PREX1: variants seen among roughly 807,000 people sequenced by gnomAD.
PREX1 encodes the protein phosphatidylinositol-3,4,5-trisphosphate dependent Rac exchange factor 1.
A neutral mutation model predicts 198.3 loss-of-function variants in PREX1; 41 were observed. That is an observed-to-expected ratio of 0.21 (90% confidence interval 0.16 to 0.27). PREX1 has a LOEUF of 0.27. PREX1 is among the 10% of genes least tolerant of loss of function. PREX1 has a pLI of 1.00. For missense variants in PREX1, 1,620 were observed against 2,200.7 expected, an observed-to-expected ratio of 0.74 and a Z score of 5.28; for synonymous variants, 843 against 887.2, an observed-to-expected ratio of 0.95 and a Z score of 0.89.
intron 1 of PREX1, among the ~76,000 whole-genome samples, chr20:48,763,047 G>T (rs895987982): frequency 2.0e-5 from 3 of 152,226 alleles, no homozygotes; most frequent in Non-Finnish European, 4.4e-5. Context: ...CCTAAAATTA[G>T]ATGGTGGTAC....
chr20:48,634,987 C>T (rs2089350956), intron 32 of PREX1, among the ~76,000 whole-genome samples: 1 of 152,204 alleles, frequency 6.6e-6, no homozygotes, highest in African/African-American at 2.4e-5. Context: ...CCATCTCTGC[C>T]TTAATTCACT....
At chr20:48,773,679 G>A (rs556891306) in intron 1 of PREX1, among the ~76,000 whole-genome samples, 3 of 152,320 alleles carry the variant, frequency 2.0e-5, no homozygotes, top group African/African-American at 7.2e-5. Context: ...GAGAGAGGGC[G>A]AGGTGAGAGC....
rs2089818528 is a variant in PREX1, at chr20:48,691,380, T to C, written c.1037-284A>G. On this transcript the variant is annotated intron_variant, in intron 8 of 39. Coordinates refer to ENST00000371941, the MANE Select transcript of PREX1 (RefSeq NM_020820.4). This position sits in a 1 kb window ranked among gnomAD's most constrained non-coding sequence, Gnocchi z 5.0. ...CAGCAGTGACTCATGGGGAGACACT[T>C]GCTTGGAGCCCCAAAATGCTTCCTG... 6.6e-6 allele frequency among the ~76,000 whole-genome samples: 1 copy of C among 152,174 alleles called. No homozygotes were observed.
intron 1 of PREX1, among the ~76,000 whole-genome samples, chr20:48,780,890 C>T (rs1037929901): frequency 2.0e-5 from 3 of 152,170 alleles, no homozygotes; most frequent in African/African-American, 7.2e-5. Flanking sequence ...CTGGCTTTCA[C>T]CATCTTAATT....
Position 48,684,268 on chromosome 20 carries a change from T to C in PREX1, c.1335-2933A>G, listed in dbSNP as rs1601074596. 1.3e-5 allele frequency among the ~76,000 whole-genome samples: 2 copies of C among 152,272 alleles called. No individual in the cohort carries two copies. Among genetic ancestry groups the C allele is most frequent in the East Asian group, 1.9e-4 (1 of 5,166 alleles). On this transcript the variant is annotated intron_variant, in intron 10 of 39. Transcript: ENST00000371941. The surrounding 1 kb of genome is among the most constrained non-coding windows in gnomAD (Gnocchi z 4.2). ...GAGCTCAGGCCCAAGGTACCACTTA[T>C]GACCCAACACAAGAATCCCTTGTTC...
At chr20:48,655,658 A>C (rs900989328) in intron 18 of PREX1, among the ~76,000 whole-genome samples, 1 of 152,114 alleles carries the variant, frequency 6.6e-6, no homozygotes, top group African/African-American at 2.4e-5. Context: ...CCACACCTCC[A>C]TCATTCTCCT....
chr20:48,756,442 T>TA (rs1035414077), intron 1 of PREX1, among the ~76,000 whole-genome samples: 1 of 151,380 alleles, frequency 6.6e-6, no homozygotes, highest in African/African-American at 2.4e-5. Context: ...GTCACAGACA[T>TA]ACTCTGAGAG....
At chr20:48,860,024 CA>C in the PREX1 span, among the ~76,000 whole-genome samples, 3 of 151,270 alleles carry the variant, frequency 2.0e-5, no homozygotes, top group East Asian at 3.9e-4. Flanking sequence ...TCTCAAAAAA[CA>C]AAAAAAAGAA....
chr20:48,816,052 A>C (rs1209775788), intron 1 of PREX1, among the ~76,000 whole-genome samples: 1 of 148,562 alleles, frequency 6.7e-6, no homozygotes, highest in Non-Finnish European at 1.5e-5. Context: ...AAAAACAGAG[A>C]GATGCTGGGG....
At chr20:48,713,094 T>C (rs529455777) in intron 5 of PREX1, among the ~76,000 whole-genome samples, 5 of 150,522 alleles carry the variant, frequency 3.3e-5, no homozygotes, top group South Asian at 4.2e-4. Context: ...TGAGCCAAGA[T>C]TGCGCCACTG....
At chr20:48,663,237 T>G (rs913805743) in intron 15 of PREX1, among the ~76,000 whole-genome samples, 3 of 152,176 alleles carry the variant, frequency 2.0e-5, no homozygotes, top group African/African-American at 7.2e-5. Context: ...TATGGGCCTA[T>G]TGGGAGTCAG....
chr20:48,658,889 C>A (rs546687611), intron 16 of PREX1, among the ~76,000 whole-genome samples: 1 of 151,904 alleles, frequency 6.6e-6, no homozygotes, highest in African/African-American at 2.4e-5. Flanking sequence ...AGACACAGCA[C>A]GTACAAAGGT....
intron 1 of PREX1, among the ~76,000 whole-genome samples, chr20:48,808,848 C>G (rs894634117): frequency 3.3e-5 from 5 of 152,186 alleles, no homozygotes; most frequent in African/African-American, 7.2e-5. Flanking sequence ...GTTTCCCATG[C>G]TTGGAATGCT....
rs778356892 is a variant in PREX1 at position 48,690,971 on chromosome 20, T to C, written c.1162A>G (p.Ile388Val). 2.5e-6 allele frequency: 4 copies of C among 1,614,046 alleles called. No homozygotes were observed. In the South Asian group the frequency reaches 4.4e-5, roughly 18 times the overall value. Reference sequence around the variant, plus strand: ...CTCTCGCGCTGCTCCCGCTCGCGGATGATGGCATCCAGCCACTTCTGCTTC... The same window carrying C: ...CTCTCGCGCTGCTCCCGCTCGCGGACGATGGCATCCAGCCACTTCTGCTTC... ...EEKQKWLDAI[I>V]REREQRESLK... Residue 388 changes from isoleucine to valine, a missense_variant, in exon 9 of 40, where the codon ATC becomes GTC. Physicochemically the swap from Ile to Val is conservative, Grantham distance 29. Coordinates refer to ENST00000371941, the MANE Select transcript of PREX1 (RefSeq NM_020820.4).
intron 1 of PREX1, among the ~76,000 whole-genome samples, chr20:48,774,198 C>T (rs2090250543): frequency 6.6e-6 from 1 of 152,216 alleles, no homozygotes; most frequent in Non-Finnish European, 1.5e-5. Flanking sequence ...ACAGACCGTC[C>T]GTCAGCAAAT....
At chr20:48,816,033 A>G (rs1345325513) in intron 1 of PREX1, among the ~76,000 whole-genome samples, 1 of 151,008 alleles carries the variant, frequency 6.6e-6, no homozygotes, top group African/African-American at 2.4e-5. Flanking sequence ...AAAAAGGAAA[A>G]AAAAAAAAAA....
At chr20:48,671,133 TC>T (rs2089672330) in intron 14 of PREX1, among the ~76,000 whole-genome samples, 1 of 152,194 alleles carries the variant, frequency 6.6e-6, no homozygotes, top group Non-Finnish European at 1.5e-5. Flanking sequence ...CTATCAGCAA[TC>T]TCGGTTCTCT....
rs114630915 is a variant in PREX1, at chr20:48,817,234, A to G, written c.219+10408T>C. On this transcript the variant is annotated intron_variant, in intron 1 of 39. Transcript: ENST00000371941. ...GAGAAGAGAGTGAACAGCAACTTCTAGCTCCAACTTACAGCCATCCCAGTT... is the reference window on the plus strand; with the variant it reads ...GAGAAGAGAGTGAACAGCAACTTCTGGCTCCAACTTACAGCCATCCCAGTT... Among the ~76,000 whole-genome samples the G allele has an allele frequency of 3.6e-3, 549 of 152,312 alleles. 4 individuals carry two copies. The highest frequency in any genetic ancestry group is 0.012 in the African/African-American group (509 of 41,556).
At chr20:48,654,242 C>T (rs1169450197) in intron 19 of PREX1, among the ~76,000 whole-genome samples, 8 of 152,258 alleles carry the variant, frequency 5.3e-5, no homozygotes, top group Admixed American at 4.6e-4. Context: ...GACGAGCTAA[C>T]ACGTGTGCAG....
Sources: allele counts gnomAD v4.1 joint callset (sites outside exome capture counted in the v4.1 genomes callset), GRCh38; gene constraint gnomAD v4.1.1; non-coding constraint Gnocchi (gnomAD v3.1); transcripts MANE v1.5; gene names NCBI Gene and HGNC (gene_info 2026-07-23, HGNC 2026-07-21).